GET1: variants seen among roughly 807,000 people sequenced by gnomAD.
GET1 encodes the protein congenital heart disease 5 protein.
A neutral mutation model predicts 22.6 loss-of-function variants in GET1; 20 were observed. The ratio of observed to expected loss-of-function variants is 0.89; its 90% CI spans 0.62 to 1.29. The LOEUF is 1.29. Ranked by LOEUF, GET1 falls within the 50% of genes most tolerant of loss-of-function variation. GET1 has a pLI of 0.00. For missense variants in GET1, 209 were observed against 219.9 expected (o/e 0.95, Z 0.31); for synonymous variants, 92 against 83.8 (o/e 1.10, Z -0.53).
chr21:39,387,479 T>C (rs1420728947), intron 1 of GET1, among the ~76,000 whole-genome samples: 1 of 152,230 alleles, frequency 6.6e-6, no homozygotes, highest in Admixed American at 6.5e-5. Context: ...TCTAAGAGAA[T>C]TTGGCCCATT....
intron 1 of GET1, among the ~76,000 whole-genome samples, chr21:39,386,815 C>T (rs1165890973): frequency 1.3e-5 from 2 of 151,808 alleles, no homozygotes; most frequent in East Asian, 3.9e-4. Flanking sequence ...CTTGGATTAA[C>T]ATTGATACAT....
chr21:39,390,966 G>C, intron 2 of GET1, 103 bp downstream of exon 2: 1 of 1,311,454 alleles, frequency 7.6e-7, no homozygotes, highest in Non-Finnish European at 1.0e-6. Context: ...TGGATGTTCT[G>C]AATATTGATG....
At chr21:39,406,176 C>A (rs1482298634) in exon 5 of GET1, 1 of 1,614,242 alleles carries the variant, frequency 6.2e-7, no homozygotes, top group Admixed American at 1.7e-5. Context: ...AGGGCTCATA[C>A]CCACTGTCAG....
chr21:39,398,120 C>T (rs143611449), downstream of GET1, among the ~76,000 whole-genome samples: 416 of 152,280 alleles, frequency 2.7e-3, 3 homozygotes, highest in African/African-American at 8.4e-3. Context: ...GAGCAGGGAA[C>T]GCAGCCACAG....
intron 4 of GET1, among the ~76,000 whole-genome samples, chr21:39,396,168 G>A (rs1198453046): frequency 6.6e-6 from 1 of 152,170 alleles, no homozygotes; most frequent in African/African-American, 2.4e-5. Flanking sequence ...GGCCGAGTTA[G>A]GCAAATCATC....
intron 1 of GET1, chr21:39,422,368 G>GC (rs2073915092): frequency 6.6e-6 from 1 of 152,274 alleles, no homozygotes; most frequent in Admixed American, 6.6e-5. Flanking sequence ...GTAATCCCCA[G>GC]GCTTTTGACA....
chr21:39,391,590 G>T (rs2146970319), intron 2 of GET1, 179 bp from the exon 3 acceptor site: 1,905 of 488,944 alleles, frequency 3.9e-3, no homozygotes, highest in Middle Eastern at 9.9e-3. Flanking sequence ...TTTAAATAAT[G>T]GCATAATGAG....
chr21:39,393,457 C>T (rs1369653490), intron 4 of GET1, among the ~76,000 whole-genome samples, 177 bp downstream of exon 4: 2 of 152,160 alleles, frequency 1.3e-5, no homozygotes, highest in Non-Finnish European at 2.9e-5. Flanking sequence ...AAAGTTACTT[C>T]ACTTGTCCAG....
chr21:39,414,740 C>CTGTGTGTGTGTGTGTG (rs796818060), intron 1 of GET1, among the ~76,000 whole-genome samples: 18 of 104,114 alleles, frequency 1.7e-4, no homozygotes, highest in African/African-American at 4.4e-4. Flanking sequence ...CTCTCTCTCT[C>CTGTGTGTGTGTGTGTG]TCTGTGTGTG....
chr21:39,411,661 G>C, intron 1 of GET1: 1 of 850,880 alleles, frequency 1.2e-6, no homozygotes, highest in Non-Finnish European at 1.8e-6. Context: ...ATATAAATTA[G>C]GAAAATCTGA....
At chr21:39,385,415 G>A (rs1304028137) in intron 1 of GET1, among the ~76,000 whole-genome samples, 1 of 152,188 alleles carries the variant, frequency 6.6e-6, no homozygotes, top group Non-Finnish European at 1.5e-5. Flanking sequence ...CGCTGCGGTG[G>A]GGGTGGGATG....
chr21:39,420,165 T>C (rs996115594), intron 1 of GET1, among the ~76,000 whole-genome samples: 3 of 152,174 alleles, frequency 2.0e-5, no homozygotes, highest in Non-Finnish European at 2.9e-5. Flanking sequence ...ATTCTAATAA[T>C]TGCAGATCCT....
intron 4 of GET1, chr21:39,405,753 A>G: frequency 1.6e-6 from 1 of 624,834 alleles, no homozygotes; most frequent in South Asian, 4.4e-5. Context: ...AAATTTAATT[A>G]TCGAAAGTCA....
At chr21:39,381,542 C>T (rs1484219654) in intron 1 of GET1, among the ~76,000 whole-genome samples, 1 of 152,188 alleles carries the variant, frequency 6.6e-6, no homozygotes, top group Non-Finnish European at 1.5e-5. Context: ...ACCCCTGAGT[C>T]TCCTTCAGAA....
intron 1 of GET1, among the ~76,000 whole-genome samples, chr21:39,381,402 A>C (rs935378938): frequency 1.3e-5 from 2 of 152,176 alleles, no homozygotes; most frequent in African/African-American, 4.8e-5. Context: ...CCTAAGATAA[A>C]TTGGTAGTAG....
chr21:39,390,103 C>T (rs1161817152), intron 1 of GET1, among the ~76,000 whole-genome samples: 1 of 135,744 alleles, frequency 7.4e-6, no homozygotes, highest in Middle Eastern at 4.3e-3. Flanking sequence ...CAGAGGCTGG[C>T]TGTGTAGGTA....
chr21:39,391,597 T>A, intron 2 of GET1, 172 bp from the exon 3 acceptor site: 2 of 605,188 alleles, frequency 3.3e-6, no homozygotes, highest in Non-Finnish European at 2.8e-6. Context: ...AATGGCATAA[T>A]GAGATGGTGG....
chr21:39,418,359 A>C (rs1221654324), intron 1 of GET1, among the ~76,000 whole-genome samples: 1 of 152,178 alleles, frequency 6.6e-6, no homozygotes, highest in Non-Finnish European at 1.5e-5. Flanking sequence ...AGATATATAG[A>C]TATCCATTGT....
At chr21:39,410,399 A>G, downstream of GET1, 1 of 1,123,966 alleles carries the variant, frequency 8.9e-7, no homozygotes, top group South Asian at 1.4e-5. Context: ...TGTAAGAAAC[A>G]TATTTTACAT....
Sources: allele counts gnomAD v4.1 joint callset (sites outside exome capture counted in the v4.1 genomes callset), GRCh38; gene constraint gnomAD v4.1.1; transcripts MANE v1.5; gene names NCBI Gene and HGNC (gene_info 2026-07-23, HGNC 2026-07-21).